NPIPB9: variants seen among roughly 807,000 people sequenced by gnomAD.
NPIPB9 encodes nuclear pore complex-interacting protein family member B9.
A neutral mutation model predicts 5.6 loss-of-function variants in NPIPB9; 1 was observed. That is an observed-to-expected ratio of 0.18 (90% CI 0.06 to 0.84). The LOEUF is 0.84. Among genes scored for constraint, NPIPB9 ranks in the 40% least tolerant of loss-of-function variants. The pLI, the probability that NPIPB9 is intolerant of heterozygous loss-of-function variation, is 0.70. For missense variants in NPIPB9, 3 were observed against 39.1 expected (o/e 0.08, Z 2.46); for synonymous variants, 2 against 12.5 (o/e 0.16, Z 1.77).
Position 28,756,438 on chromosome 16 carries a change from C to T in NPIPB9, c.26-1560C>T, listed in dbSNP as rs1296111335. Among the ~76,000 whole-genome samples the T allele has an allele frequency of 1.8e-5, 2 of 112,716 alleles. 1 individual carries two copies. The highest frequency in any genetic ancestry group is 4.1e-5 in the Non-Finnish European group (2 of 48,294). 73.9% of individuals were successfully genotyped at this position (112,716 alleles called of 152,430 possible). On this transcript the variant is annotated intron_variant, in intron 1 of 7. Transcript: ENST00000550983. ...CAGGCTGGTCTCGAACTTCTAACCT[C>T]GTGATCCGCCTGCCTCAGCCTCCCA... is the stretch of plus-strand genomic sequence containing the variant.
intron 2 of NPIPB9, among the ~76,000 whole-genome samples, chr16:28,758,457 T>TCCTCCTCCA (rs1180058316): frequency 5.6e-5 from 7 of 125,584 alleles, no homozygotes; most frequent in African/African-American, 1.8e-4. Flanking sequence ...CTTCTCCTCC[T>TCCTCCTCCA]CCTCCTCCAC....
At chr16:28,765,349 G>T (rs1188112111) in intron 3 of NPIPB9, among the ~76,000 whole-genome samples, 1 of 25,466 alleles carries the variant, frequency 3.9e-5, no homozygotes, top group Non-Finnish European at 6.7e-5. Flanking sequence ...TGATTCACCC[G>T]CCTCAGCCTC....
At chr16:28,754,767 T>A (rs1378392178) in intron 1 of NPIPB9, among the ~76,000 whole-genome samples, 2 of 141,358 alleles carry the variant, frequency 1.4e-5, no homozygotes, top group African/African-American at 5.2e-5. Context: ...ACAGGAGGAC[T>A]AAGTCACCGC....
At chr16:28,761,064 C>T (rs1487400456) in intron 2 of NPIPB9, among the ~76,000 whole-genome samples, 4 of 204 alleles carry the variant, frequency 0.02, no homozygotes, top group Admixed American at 0.033. Context: ...CGCTTGAACC[C>T]GGGAGGCGGA....
rs540927356 is a variant in NPIPB9, at chr16:28,769,663, T to A, written c.591-925T>A. 1.6e-4 allele frequency: 108 copies of A among 686,404 alleles called. 12 individuals are homozygous for A. In the African/African-American group the frequency reaches 2.0e-3, roughly 13 times the overall value. 42.5% of individuals were successfully genotyped at this position (686,404 alleles called of 1,614,324 possible). On this transcript the variant is annotated intron_variant, in intron 5 of 7. Coordinates refer to ENST00000550983, the Ensembl canonical transcript of NPIPB9. Reference sequence around the variant, plus strand: ...TGTTTAGACCCGGTAAATGCAGAAATAGAAACAAACGGTCAGAAGACATAT... The same window carrying A: ...TGTTTAGACCCGGTAAATGCAGAAAAAGAAACAAACGGTCAGAAGACATAT...
At chr16:28,754,708 G>T (rs558039721) in intron 1 of NPIPB9, among the ~76,000 whole-genome samples, 11 of 125,382 alleles carry the variant, frequency 8.8e-5, no homozygotes, top group Non-Finnish European at 1.2e-4. Context: ...AGCCTGCATG[G>T]GAGACTGTGG....
intron 3 of NPIPB9, among the ~76,000 whole-genome samples, chr16:28,765,432 C>A: frequency 5.6e-5 from 2 of 35,674 alleles, no homozygotes; most frequent in Non-Finnish European, 9.5e-5. Context: ...TTTTTTGAGA[C>A]AGAGTTTCAA....
chr16:28,767,288 C>G lies in NPIPB9; in HGVS notation c.590+799C>G, dbSNP rs1391613378. Reference sequence around the variant, plus strand: ...TTGGCTCACTGCAACCTCTGCTTCCCAGGTTCAAGTGATTCTTATCCCTCA... The same window carrying G: ...TTGGCTCACTGCAACCTCTGCTTCCGAGGTTCAAGTGATTCTTATCCCTCA... On this transcript the variant is annotated intron_variant, in intron 5 of 7. Coordinates refer to ENST00000550983, the Ensembl canonical transcript of NPIPB9. Among the ~76,000 whole-genome samples, 5 of 107,392 alleles carry G rather than the reference C, an allele frequency of 4.7e-5. 1 individual carries two copies. In the South Asian group the frequency reaches 1.4e-3, roughly 29 times the overall value. 70.5% of individuals were successfully genotyped at this position (107,392 alleles called of 152,430 possible). A position where few individuals can be genotyped will look rare whatever the true frequency, so the allele number is the denominator to read the frequency against.
Position 28,752,553 on chromosome 16 carries a change from T to C in NPIPB9, c.-15T>C, listed in dbSNP as rs753924783. 5.6e-5 allele frequency: 77 copies of C among 1,370,272 alleles called. 20 individuals are homozygous for C. Among genetic ancestry groups the C allele is most frequent in the Middle Eastern group, 2.4e-4 (1 of 4,206 alleles). The allele number at this position is 1,370,272 out of a possible 1,614,324, so 84.9% of individuals were successfully genotyped here. Reference sequence around the variant, plus strand: ...AGTTCACCAAGGAGCTGCAGCAGCATGTAAAGTCAGTGACATGCCCATGCG... The same window carrying C: ...AGTTCACCAAGGAGCTGCAGCAGCACGTAAAGTCAGTGACATGCCCATGCG... On this transcript the variant is annotated 5_prime_UTR_variant, in exon 1 of 8. Transcript: ENST00000550983.
intron 2 of NPIPB9, among the ~76,000 whole-genome samples, chr16:28,759,154 CTTTTT>C (rs1246723945): frequency 4.6e-5 from 3 of 65,050 alleles, no homozygotes; most frequent in African/African-American, 1.6e-4. Context: ...GGTTTGATGA[CTTTTT>C]TTTTTTTTTT....
chr16:28,759,175 A>T (rs1477921338), intron 2 of NPIPB9, among the ~76,000 whole-genome samples: 91 of 48,120 alleles, frequency 1.9e-3, no homozygotes, highest in Non-Finnish European at 2.2e-3. Context: ...TTTTTTTTTT[A>T]GACAGAGTCT....
In NPIPB9 at chr16:28,765,722, TG is replaced by T. The variant is rs1259473414; in HGVS notation, c.295-359del. 8.6e-3 allele frequency among the ~76,000 whole-genome samples: 40 copies of T among 4,644 alleles called. 1 individual carries two copies. The highest frequency in any genetic ancestry group is 0.019 in the African/African-American group (32 of 1,652). 3.0% of individuals were successfully genotyped at this position (4,644 alleles called of 152,430 possible). A position where few individuals can be genotyped will look rare whatever the true frequency, so the allele number is the denominator to read the frequency against. ...CACCGTGCCAGCCTCATGTCATTCT[TG>T]TGTGTGTGTGTGTGTGTGTGTGTGT... On this transcript the variant is annotated intron_variant, in intron 3 of 7. Coordinates refer to ENST00000550983, the Ensembl canonical transcript of NPIPB9.
At chr16:28,753,527 TACATAC>T (rs1567355069) in intron 1 of NPIPB9, among the ~76,000 whole-genome samples, 9 of 40,686 alleles carry the variant, frequency 2.2e-4, no homozygotes, top group South Asian at 1.6e-3. Flanking sequence ...CACACACACA[TACATAC>T]ACACACACAC....
chr16:28,765,737 G>GTT (rs1158720337), intron 3 of NPIPB9, among the ~76,000 whole-genome samples: 6 of 78,138 alleles, frequency 7.7e-5, no homozygotes, highest in African/African-American at 3.4e-4. Flanking sequence ...GTGTGTGTGT[G>GTT]TGTGTGTGTG....
intron 2 of NPIPB9, among the ~76,000 whole-genome samples, chr16:28,758,934 AC>A (rs1432122044): frequency 2.0e-5 from 1 of 50,558 alleles, no homozygotes; most frequent in African/African-American, 6.9e-5. Context: ...TCATGGCGAA[AC>A]CCCATCTCTA....
At position 28,752,631 on chromosome 16, in the gene NPIPB9, G is replaced by A. The variant is rs1567354477; in HGVS notation, c.25+39G>A. 5 of 1,267,410 alleles carry A rather than the reference G, an allele frequency of 3.9e-6. 2 individuals are homozygous for A. The highest frequency in any genetic ancestry group is 4.7e-5 in the Admixed American group (2 of 42,728). 78.5% of individuals were successfully genotyped at this position (1,267,410 alleles called of 1,614,324 possible). A position where few individuals can be genotyped will look rare whatever the true frequency, so the allele number is the denominator to read the frequency against. On this transcript the variant is annotated intron_variant, in intron 1 of 7. Coordinates refer to ENST00000550983, the Ensembl canonical transcript of NPIPB9. ...GACAGATGGGGCCTGGTGCCCTTGA[G>A]CAGTTCCCGGGTCTCAGCTGCCACA...
intron 2 of NPIPB9, chr16:28,758,525 CCCTCCCCTT>C: frequency 4.3e-5 from 2 of 46,066 alleles, no homozygotes; most frequent in Admixed American, 1.8e-4. Flanking sequence ...TCCCCCCTTC[CCCTCCCCTT>C]CCCCTTCCCC....
rs757891034 is a variant in NPIPB9, at chr16:28,752,559, G to A, written c.-9G>A. ...CCAAGGAGCTGCAGCAGCATGTAAA[G>A]TCAGTGACATGCCCATGCGAGTACC... On this transcript the variant is annotated 5_prime_UTR_variant, in exon 1 of 8. Transcript: ENST00000550983. The A allele has an allele frequency of 5.1e-6, 7 of 1,369,118 alleles. 1 individual carries two copies. The Admixed American group carries it at 1.4e-4, about 28-fold the overall frequency. 84.8% of individuals were successfully genotyped at this position (1,369,118 alleles called of 1,614,324 possible). A position where few individuals can be genotyped will look rare whatever the true frequency, so the allele number is the denominator to read the frequency against.
chr16:28,759,525 TTTTA>T (rs1366331445), intron 2 of NPIPB9, among the ~76,000 whole-genome samples: 2 of 36,758 alleles, frequency 5.4e-5, no homozygotes, highest in Non-Finnish European at 5.0e-5. Context: ...ATCTACATTA[TTTTA>T]TTTATTTATT....
Sources: allele counts gnomAD v4.1 joint callset (sites outside exome capture counted in the v4.1 genomes callset), GRCh38; gene constraint gnomAD v4.1.1; transcripts MANE v1.5; gene names NCBI Gene and HGNC (gene_info 2026-07-23, HGNC 2026-07-21).